Variants in NINL observed in about 807,000 individuals in gnomAD.
NINL encodes the protein ninein like, also known as ninein-like protein.
Under a neutral mutation model 160.3 loss-of-function variants are expected in NINL, and 153 were observed. That is an observed-to-expected ratio of 0.95 (90% CI 0.84 to 1.09). NINL has a LOEUF of 1.09. Ranked by LOEUF, NINL falls within the 50% of genes least tolerant of loss-of-function variation. The pLI, the probability that NINL is intolerant of heterozygous loss-of-function variation, is 0.00. For missense variants in NINL, 1,829 were observed against 1,764.0 expected (o/e 1.04, Z -0.66); for synonymous variants, 800 against 734.8 (o/e 1.09, Z -1.43).
rs539683783 is a variant in NINL at position 25,487,697 on chromosome 20, G to A, written c.1677+1547C>T. Among the ~76,000 whole-genome samples, 5 of 152,350 alleles carry A rather than the reference G, an allele frequency of 3.3e-5. No individual in the cohort carries two copies. The East Asian group carries it at 5.8e-4, about 18-fold the overall frequency. Reference sequence around the variant, plus strand: ...CCTATGAAAGAACCATGTGGTGAACGACCTTAGAGATAAAGTAACTTTTCT... The same window carrying A: ...CCTATGAAAGAACCATGTGGTGAACAACCTTAGAGATAAAGTAACTTTTCT... On this transcript the variant is annotated intron_variant, in intron 13 of 23. Transcript: ENST00000278886.
At chr20:25,461,754 T>C in intron 20 of NINL, 119 bp from the exon 21 acceptor site, 1 of 687,028 alleles carries the variant, frequency 1.5e-6, no homozygotes, top group Non-Finnish European at 2.5e-6. Context: ...TAAATCCCTG[T>C]GAACCCACCA....
intron 5 of NINL, among the ~76,000 whole-genome samples, chr20:25,508,286 C>T (rs944150049): frequency 6.6e-6 from 1 of 152,228 alleles, no homozygotes; most frequent in Non-Finnish European, 1.5e-5. Flanking sequence ...TCTATCCAAG[C>T]TATGTTTCTG....
intron 2 of NINL, among the ~76,000 whole-genome samples, chr20:25,521,676 A>G (rs1012706523): frequency 2.0e-5 from 3 of 152,168 alleles, no homozygotes; most frequent in African/African-American, 4.8e-5. Flanking sequence ...CAGTATAATG[A>G]CTGACTGCAA....
intron 5 of NINL, among the ~76,000 whole-genome samples, chr20:25,510,399 C>T (rs1349628737): frequency 1.3e-5 from 2 of 152,218 alleles, no homozygotes; most frequent in Non-Finnish European, 2.9e-5. Flanking sequence ...TACTTGCAGA[C>T]CATAAAGTGT....
At chr20:25,551,831 G>A (rs117725244) in intron 1 of NINL, among the ~76,000 whole-genome samples, 1,768 of 152,326 alleles carry the variant, frequency 0.012, 11 homozygotes, top group Non-Finnish European at 0.019. Flanking sequence ...CATTGTCAGT[G>A]TGAGATTTAA....
chr20:25,519,824 C>T (rs984907561), intron 2 of NINL, among the ~76,000 whole-genome samples: 6 of 151,494 alleles, frequency 4.0e-5, no homozygotes, highest in African/African-American at 1.5e-4. Flanking sequence ...GGAAACCAGC[C>T]TGGGCAACAT....
rs1244179278 is a variant in NINL, at chr20:25,517,831, T to C, written c.199A>G (p.Lys67Glu). 7.5e-6 allele frequency: 12 copies of C among 1,607,256 alleles called. No individual in the cohort carries two copies. Among genetic ancestry groups the C allele is most frequent in the Admixed American group, 1.7e-5 (1 of 57,602 alleles). The change falls in exon 3 of 24, where the codon AAG becomes GAG. Residue 67 changes from lysine to glutamate, a missense_variant. Physicochemically the swap from Lys to Glu is moderately conservative, Grantham distance 56 (BLOSUM62 1). Transcript: ENST00000278886. ...HFARVNFEEFKEGFVAVLSSN... is the reference protein window; with the variant it reads ...HFARVNFEEFEEGFVAVLSSN... ...GACAACACAGCCACAAAACCTTCCT[T>C]AAATTCCTCAAAGTTAACCTGGGTG... is the stretch of plus-strand genomic sequence containing the variant.
At chr20:25,551,716 T>G (rs2064809171) in intron 1 of NINL, among the ~76,000 whole-genome samples, 1 of 152,200 alleles carries the variant, frequency 6.6e-6, no homozygotes, top group Admixed American at 6.5e-5. Context: ...TTATATCAGA[T>G]AAGGTAAATC....
chr20:25,569,789 C>G (rs2065034152), intron 1 of NINL, among the ~76,000 whole-genome samples: 1 of 152,214 alleles, frequency 6.6e-6, no homozygotes, highest in African/African-American at 2.4e-5. Flanking sequence ...AGGGCCACAA[C>G]TGAGCCCCAC....
chr20:25,544,893 A>G (rs1329413057), intron 1 of NINL, among the ~76,000 whole-genome samples: 1 of 152,252 alleles, frequency 6.6e-6, no homozygotes, highest in Non-Finnish European at 1.5e-5. Flanking sequence ...AAATAAACAA[A>G]TCTGTCTTCA....
chr20:25,546,359 G>A (rs2064732409), intron 1 of NINL, among the ~76,000 whole-genome samples: 1 of 152,100 alleles, frequency 6.6e-6, no homozygotes, highest in Non-Finnish European at 1.5e-5. Flanking sequence ...GTGGGTAAGT[G>A]CTTTCTTACC....
chr20:25,566,913 G>C (rs2065004255), intron 1 of NINL, among the ~76,000 whole-genome samples: 1 of 152,154 alleles, frequency 6.6e-6, no homozygotes, highest in African/African-American at 2.4e-5. Flanking sequence ...TACCACTTCG[G>C]GAGGTTGAGG....
intron 1 of NINL, among the ~76,000 whole-genome samples, chr20:25,527,057 GAA>G (rs2064373548): frequency 6.6e-6 from 1 of 151,818 alleles, no homozygotes; most frequent in South Asian, 2.1e-4. Context: ...AGAATAATTA[GAA>G]AATAGAGATA....
intron 1 of NINL, among the ~76,000 whole-genome samples, chr20:25,584,334 C>T (rs1362708121): frequency 6.6e-6 from 1 of 151,954 alleles, no homozygotes; most frequent in Admixed American, 6.6e-5. Context: ...ATTAGCTGGG[C>T]GTGTAATCCC....
At chr20:25,480,111 A>G in intron 15 of NINL, 50 bp downstream of exon 15, 1 of 1,358,634 alleles carries the variant, frequency 7.4e-7, no homozygotes, top group Non-Finnish European at 1.1e-6. Context: ...AAGCTGCCCA[A>G]CACACAGCAG....
chr20:25,560,676 C>T (rs1199676485), intron 1 of NINL, among the ~76,000 whole-genome samples: 1 of 152,096 alleles, frequency 6.6e-6, no homozygotes, highest in Admixed American at 6.6e-5. Flanking sequence ...TTGGGGGGAT[C>T]TCTCTCATGG....
intron 1 of NINL, among the ~76,000 whole-genome samples, chr20:25,564,049 C>T (rs147212059): frequency 1.3e-5 from 2 of 151,526 alleles, no homozygotes; most frequent in African/African-American, 4.8e-5. Flanking sequence ...CTCATCTCTA[C>T]AAAAAAATCA....
chr20:25,575,964 G>A (rs1343408304), intron 1 of NINL, among the ~76,000 whole-genome samples: 2 of 152,092 alleles, frequency 1.3e-5, no homozygotes, highest in Non-Finnish European at 1.5e-5. Flanking sequence ...CAGACTTTGT[G>A]CCCCTGTATC....
intron 1 of NINL, among the ~76,000 whole-genome samples, chr20:25,569,226 T>G (rs1001047112): frequency 8.0e-6 from 1 of 124,368 alleles, no homozygotes; most frequent in Non-Finnish European, 1.7e-5. Context: ...AGACTCTGTC[T>G]CAAAAAAAAA....
Sources: allele counts gnomAD v4.1 joint callset (sites outside exome capture counted in the v4.1 genomes callset), GRCh38; gene constraint gnomAD v4.1.1; transcripts MANE v1.5; gene names NCBI Gene and HGNC (gene_info 2026-07-23, HGNC 2026-07-21).